SMARCA2: variants seen among roughly 807,000 people sequenced by gnomAD.
SMARCA2 encodes SWI/SNF-related matrix-associated actin-dependent regulator of chromatin subfamily A member 2.
Under a neutral mutation model 199.8 loss-of-function variants are expected in SMARCA2, and 61 were observed. The ratio of observed to expected loss-of-function variants is 0.31; its 90% CI spans 0.25 to 0.38. SMARCA2 has a LOEUF of 0.38. Among genes scored for constraint, SMARCA2 ranks in the 10% least tolerant of loss-of-function variants. SMARCA2 has a pLI of 1.00. For synonymous variants in SMARCA2, 935 were observed against 732.0 expected, an observed-to-expected ratio of 1.28 and a Z score of -4.48; for missense variants, 1,344 against 2,012.2, an observed-to-expected ratio of 0.67 and a Z score of 6.35.
chr9:2,176,390 T>A (rs987363997), intron 29 of SMARCA2, among the ~76,000 whole-genome samples: 41 of 152,224 alleles, frequency 2.7e-4, no homozygotes, highest in African/African-American at 9.6e-4. Flanking sequence ...AAAAGTAAAA[T>A]CATGCATCAG....
intron 15 of SMARCA2, among the ~76,000 whole-genome samples, chr9:2,082,818 G>A (rs1586686265): frequency 6.6e-6 from 1 of 152,112 alleles, no homozygotes; most frequent in Non-Finnish European, 1.5e-5. Context: ...TGAATTATCT[G>A]TATCTGTAAT....
chr9:2,059,072 G>C (rs1280979116), intron 8 of SMARCA2, among the ~76,000 whole-genome samples: 1 of 152,202 alleles, frequency 6.6e-6, no homozygotes, highest in Non-Finnish European at 1.5e-5. Context: ...TATAAGCACA[G>C]AAGAGATAGG....
At chr9:2,015,736 G>A (rs972192705) in intron 1 of SMARCA2, among the ~76,000 whole-genome samples, 11 of 152,154 alleles carry the variant, frequency 7.2e-5, no homozygotes, top group Non-Finnish European at 1.6e-4. Flanking sequence ...GGGCAAAGGA[G>A]GAAAAAAATC....
chr9:2,091,974 C>CA (rs1179144210), intron 19 of SMARCA2, among the ~76,000 whole-genome samples: 1 of 152,148 alleles, frequency 6.6e-6, no homozygotes, highest in Non-Finnish European at 1.5e-5. Flanking sequence ...TCTAATGAAA[C>CA]ACTTAATGAG....
intron 27 of SMARCA2, among the ~76,000 whole-genome samples, chr9:2,132,852 A>AT (rs1036731162): frequency 1.8e-4 from 28 of 152,274 alleles, no homozygotes; most frequent in African/African-American, 6.3e-4. Flanking sequence ...TATAATTTTT[A>AT]TTTTTTTCTG....
chr9:2,182,779 G>T (rs1827143803), intron 31 of SMARCA2, among the ~76,000 whole-genome samples: 1 of 141,088 alleles, frequency 7.1e-6, no homozygotes, highest in Non-Finnish European at 1.5e-5. Flanking sequence ...ACAGGCATGA[G>T]CCACCACACC....
At chr9:2,107,515 A>G (rs966495186) in intron 23 of SMARCA2, among the ~76,000 whole-genome samples, 20 of 152,062 alleles carry the variant, frequency 1.3e-4, no homozygotes, top group African/African-American at 4.8e-4. Flanking sequence ...ATGGGGTTTT[A>G]CCATGTTGGC....
intron 4 of SMARCA2, chr9:2,043,680 C>G (rs1023256544): frequency 6.6e-6 from 1 of 152,062 alleles, no homozygotes; most frequent in Admixed American, 6.6e-5. Flanking sequence ...TCCTGTATGC[C>G]GGAAGACTAA....
rs550161227 is a variant in SMARCA2 at position 2,183,728 on chromosome 9, G to C, written c.4461+1486G>C. On this transcript the variant is annotated intron_variant, in intron 31 of 33. Transcript: ENST00000349721. ...TATCTTGACCAAAACAGGAGGTCTT[G>C]AAAGCAAGCCTTCTGTTACTCAAGA... is the stretch of plus-strand genomic sequence containing the variant. Among the ~76,000 whole-genome samples the C allele has an allele frequency of 3.7e-4, 56 of 152,322 alleles. No individual in the cohort carries two copies. The South Asian group carries it at 0.012, about 32-fold the overall frequency.
chr9:2,151,996 G>T (rs1372113285), intron 27 of SMARCA2, among the ~76,000 whole-genome samples: 1 of 152,154 alleles, frequency 6.6e-6, no homozygotes, highest in East Asian at 1.9e-4. Context: ...GGCCAAAGAA[G>T]TTAGTTTCTG....
At chr9:2,085,713 T>G (rs1821773131) in intron 17 of SMARCA2, 2 of 152,142 alleles carry the variant, frequency 1.3e-5, no homozygotes, top group Non-Finnish European at 2.9e-5. Flanking sequence ...ATTCCTTTTC[T>G]CCTGGCACGT....
At chr9:2,068,526 T>C (rs1423485454) in intron 9 of SMARCA2, among the ~76,000 whole-genome samples, 1 of 152,250 alleles carries the variant, frequency 6.6e-6, no homozygotes, top group Admixed American at 6.5e-5. Flanking sequence ...TTAAGTGTTT[T>C]CGTAAAAGCT....
At chr9:2,180,812 A>T (rs4741647) in intron 29 of SMARCA2, among the ~76,000 whole-genome samples, 122,179 of 152,194 alleles carry the variant, frequency 0.8, 49,533 homozygotes, top group African/African-American at 0.92. Context: ...TTGTTGCTAT[A>T]GAACCTGCTT....
At chr9:2,173,461 A>T (rs1003225905) in intron 29 of SMARCA2, among the ~76,000 whole-genome samples, 1 of 152,212 alleles carries the variant, frequency 6.6e-6, no homozygotes, top group Non-Finnish European at 1.5e-5. Flanking sequence ...TAATTTCATT[A>T]TAGAGAAATT....
intron 27 of SMARCA2, among the ~76,000 whole-genome samples, chr9:2,151,357 A>C (rs962465161): frequency 6.6e-6 from 1 of 151,538 alleles, no homozygotes; most frequent in Non-Finnish European, 1.5e-5. Flanking sequence ...AAGGAAGTGA[A>C]ATTTGTTGTG....
intron 2 of SMARCA2, 120 bp from the exon 3 acceptor site, chr9:2,032,831 TA>T: frequency 1.3e-6 from 1 of 794,644 alleles, no homozygotes; most frequent in Non-Finnish European, 2.0e-6. Context: ...TTTTTAACTC[TA>T]GAATGGGTAG....
chr9:2,077,520 AAC>A, intron 13 of SMARCA2, 107 bp from the exon 14 acceptor site: 2 of 1,068,028 alleles, frequency 1.9e-6, no homozygotes, highest in Admixed American at 2.1e-5. Context: ...TGATAAATAA[AAC>A]ACACTTATTG....
At chr9:2,073,745 G>A (rs552717833) in intron 12 of SMARCA2, 122 bp downstream of exon 12, 1 of 710,786 alleles carries the variant, frequency 1.4e-6, no homozygotes, top group East Asian at 2.7e-5. Flanking sequence ...ATTGGCCTTT[G>A]GGTGACAGCT....
intron 31 of SMARCA2, among the ~76,000 whole-genome samples, chr9:2,184,685 A>G (rs1256423176): frequency 6.6e-6 from 1 of 152,048 alleles, no homozygotes; most frequent in East Asian, 1.9e-4. Context: ...ATTGACATCA[A>G]TACAATTCCC....
Sources: allele counts gnomAD v4.1 joint callset (sites outside exome capture counted in the v4.1 genomes callset), GRCh38; gene constraint gnomAD v4.1.1; transcripts MANE v1.5; gene names NCBI Gene and HGNC (gene_info 2026-07-23, HGNC 2026-07-21).